SFSWAP: variants seen among roughly 807,000 people sequenced by gnomAD.
SFSWAP encodes splicing factor, suppressor of white-apricot homolog.
SFSWAP carries 17 observed loss-of-function variants against 100.7 expected under a neutral mutation model. That is an observed-to-expected ratio of 0.17 (90% CI 0.12 to 0.25). The LOEUF is 0.25. SFSWAP is among the 10% of genes least tolerant of loss of function. The pLI, the probability that SFSWAP is intolerant of heterozygous loss-of-function variation, is 1.00. For missense variants in SFSWAP, 1,005 were observed against 1,262.6 expected, an observed-to-expected ratio of 0.80 and a Z score of 3.09; for synonymous variants, 504 against 510.1, an observed-to-expected ratio of 0.99 and a Z score of 0.16.
rs763476133 is a variant in SFSWAP, at chr12:131,711,742, C to T, written c.218+295C>T. On this transcript the variant is annotated intron_variant, in intron 1 of 17. Transcript: ENST00000261674. The surrounding 1 kb of genome is among the most constrained non-coding windows in gnomAD (Gnocchi z 4.9). ...GTCGCTGGGCTGCAGTTGGCGATTCCGCGCGGTGAAAGCAGCCAGTGCCCA... is the reference window on the plus strand; with the variant it reads ...GTCGCTGGGCTGCAGTTGGCGATTCTGCGCGGTGAAAGCAGCCAGTGCCCA... 4.8e-4 allele frequency: 187 copies of T among 386,402 alleles called. 1 individual carries two copies. Among genetic ancestry groups the T allele is most frequent in the Non-Finnish European group, 7.9e-4 (166 of 208,882 alleles). 23.9% of individuals were successfully genotyped at this position (386,402 alleles called of 1,614,324 possible). A position where few individuals can be genotyped will look rare whatever the true frequency, so the allele number is the denominator to read the frequency against.
At chr12:131,739,609 A>G (rs1880409569) in intron 7 of SFSWAP, among the ~76,000 whole-genome samples, 1 of 127,080 alleles carries the variant, frequency 7.9e-6, no homozygotes, top group Non-Finnish European at 1.5e-5. Context: ...GCAGTGGCGC[A>G]ATCTCGGCTC....
rs545319488 is a variant in SFSWAP at position 131,785,625 on chromosome 12, T to C, written c.2409-838T>C. On this transcript the variant is annotated intron_variant, in intron 14 of 17. Transcript: ENST00000261674. Reference sequence around the variant, plus strand: ...AAACTCATCGCTAAGGGGCCTCCACTAAAGAGCATCACCCCTGGAGGGGCG... The same window carrying C: ...AAACTCATCGCTAAGGGGCCTCCACCAAAGAGCATCACCCCTGGAGGGGCG... The C allele has an allele frequency of 9.7e-5, 16 of 164,330 alleles. No homozygotes were observed. In the South Asian group the frequency reaches 2.3e-3, roughly 23 times the overall value. The allele number at this position is 164,330 out of a possible 1,614,324, so 10.2% of individuals were successfully genotyped here.
chr12:131,782,664 GA>G (rs1191449854), intron 14 of SFSWAP, among the ~76,000 whole-genome samples: 1 of 152,188 alleles, frequency 6.6e-6, no homozygotes, highest in Non-Finnish European at 1.5e-5. Flanking sequence ...ATAAAATACA[GA>G]AAGTTAAGAT....
chr12:131,730,718 C>T lies in SFSWAP; in HGVS notation c.1081+2290C>T, dbSNP rs911438465. On this transcript the variant is annotated intron_variant, in intron 7 of 17. Coordinates refer to ENST00000261674, the MANE Select transcript of SFSWAP (RefSeq NM_004592.4). This position sits in a 1 kb window ranked among gnomAD's most constrained non-coding sequence, Gnocchi z 4.0. The stretch of plus-strand genomic sequence containing the variant: ...TAAGCCGTGACAGCCTCTGCAGGAA[C>T]CCTAAGCTTACTCTGTTCAGGCCCC... Among the ~76,000 whole-genome samples, 6 of 152,138 alleles carry T rather than the reference C, an allele frequency of 3.9e-5. No individual in the cohort carries two copies. The highest frequency in any genetic ancestry group is 1.4e-4 in the African/African-American group (6 of 41,412).
At chr12:131,741,595 A>G (rs972254691) in intron 7 of SFSWAP, among the ~76,000 whole-genome samples, 10 of 149,022 alleles carry the variant, frequency 6.7e-5, no homozygotes, top group African/African-American at 1.7e-4. Context: ...GCAGGGAGCA[A>G]TGGTTGTGCC....
chr12:131,762,253 A>C (rs956051093), intron 11 of SFSWAP, among the ~76,000 whole-genome samples: 3 of 151,796 alleles, frequency 2.0e-5, no homozygotes, highest in African/African-American at 7.3e-5. Flanking sequence ...ACAAAAAAAA[A>C]GTCTACTTGA....
chr12:131,754,875 C>T (rs1882014588), intron 9 of SFSWAP, among the ~76,000 whole-genome samples: 1 of 152,040 alleles, frequency 6.6e-6, no homozygotes, highest in African/African-American at 2.4e-5. Flanking sequence ...TCAAGTGATC[C>T]ACTTGCCTCA....
intron 7 of SFSWAP, among the ~76,000 whole-genome samples, chr12:131,732,209 G>T (rs1461965945): frequency 3.3e-5 from 5 of 152,050 alleles, no homozygotes; most frequent in Non-Finnish European, 5.9e-5. Context: ...GCACCCAGCC[G>T]TGTTGCTATT....
intron 7 of SFSWAP, among the ~76,000 whole-genome samples, chr12:131,731,879 T>C (rs1485915721): frequency 2.6e-5 from 4 of 151,576 alleles, no homozygotes; most frequent in Admixed American, 1.3e-4. Context: ...CATGATGTTT[T>C]TGAGTATGCA....
chr12:131,762,129 A>T (rs1409521880), intron 11 of SFSWAP, among the ~76,000 whole-genome samples: 1 of 152,160 alleles, frequency 6.6e-6, no homozygotes, highest in Non-Finnish European at 1.5e-5. Flanking sequence ...GCTACTCAAG[A>T]GGCTGAGGCA....
chr12:131,730,095 T>C lies in SFSWAP; in HGVS notation c.1081+1667T>C, dbSNP rs1313383886. 2.0e-5 allele frequency among the ~76,000 whole-genome samples: 3 copies of C among 152,218 alleles called. No individual in the cohort carries two copies. The highest frequency in any genetic ancestry group is 4.8e-5 in the African/African-American group (2 of 41,452). On this transcript the variant is annotated intron_variant, in intron 7 of 17. Coordinates refer to ENST00000261674, the MANE Select transcript of SFSWAP (RefSeq NM_004592.4). This position sits in a 1 kb window ranked among gnomAD's most constrained non-coding sequence, Gnocchi z 4.0. Reference sequence around the variant, plus strand: ...TGCTACAGAGGTGCGTGTTCAATAGTGTAGGCAGCCAGCTGTCTGAGGTGC... The same window carrying C: ...TGCTACAGAGGTGCGTGTTCAATAGCGTAGGCAGCCAGCTGTCTGAGGTGC...
At chr12:131,793,389 ACT>A (rs1885414354) in intron 15 of SFSWAP, among the ~76,000 whole-genome samples, 2 of 152,108 alleles carry the variant, frequency 1.3e-5, no homozygotes, top group African/African-American at 2.4e-5. Context: ...CAGCCAGGAA[ACT>A]CTTTCCAACA....
chr12:131,711,286 G>C lies in SFSWAP; in HGVS notation c.57G>C (p.Glu19Asp). ...AKPERKSGAKEEAGPGGAGGG... is the reference protein window; with the variant it reads ...AKPERKSGAKDEAGPGGAGGG... ...CCGAGAGGAAAAGCGGCGCGAAGGA[G>C]GAGGCCGGGCCAGGCGGTGCCGGCG... The change falls in exon 1 of 18, where the codon GAG becomes GAC. Residue 19 changes from glutamate to aspartate, a missense_variant. Physicochemically the swap from Glu to Asp is conservative, Grantham distance 45 (BLOSUM62 2). Coordinates refer to ENST00000261674, the MANE Select transcript of SFSWAP (RefSeq NM_004592.4). The surrounding 1 kb of genome is among the most constrained non-coding windows in gnomAD (Gnocchi z 4.9). 1 of 1,612,902 alleles carries C rather than the reference G, an allele frequency of 6.2e-7. No homozygotes were observed. Among genetic ancestry groups the C allele is most frequent in the Non-Finnish European group, 8.5e-7 (1 of 1,179,686 alleles).
At chr12:131,765,573 G>A (rs544049416) in intron 12 of SFSWAP, among the ~76,000 whole-genome samples, 24 of 152,124 alleles carry the variant, frequency 1.6e-4, no homozygotes, top group South Asian at 4.1e-4. Context: ...GCTTGAACCC[G>A]GGAGGCAGAG....
intron 3 of SFSWAP, among the ~76,000 whole-genome samples, chr12:131,716,662 T>C (rs1320467732): frequency 6.6e-6 from 1 of 152,212 alleles, no homozygotes; most frequent in Non-Finnish European, 1.5e-5. Flanking sequence ...AACACAGCAA[T>C]GCTCATTTGT....
At chr12:131,779,698 G>A (rs1013415671) in intron 14 of SFSWAP, among the ~76,000 whole-genome samples, 3 of 152,086 alleles carry the variant, frequency 2.0e-5, no homozygotes, top group Admixed American at 6.5e-5. Context: ...GGAGCTTTAC[G>A]GGCTTTTTAA....
chr12:131,714,985 A>G lies in SFSWAP; in HGVS notation c.520+32A>G. Reference sequence around the variant, plus strand: ...GGGGAGCTGCCTGGACTGCTGGTGTAGGGCTACACGTGTACGCACAGGCTG... The same window carrying G: ...GGGGAGCTGCCTGGACTGCTGGTGTGGGGCTACACGTGTACGCACAGGCTG... On this transcript the variant is annotated intron_variant, in intron 3 of 17. Coordinates refer to ENST00000261674, the MANE Select transcript of SFSWAP (RefSeq NM_004592.4). The surrounding 1 kb of genome is among the most constrained non-coding windows in gnomAD (Gnocchi z 6.0). The G allele has an allele frequency of 6.2e-7, 1 of 1,612,698 alleles. No homozygotes were observed. Among genetic ancestry groups the G allele is most frequent in the South Asian group, 1.1e-5 (1 of 91,030 alleles).
At chr12:131,761,172 A>AT (rs1434869002) in intron 11 of SFSWAP, among the ~76,000 whole-genome samples, 3 of 152,112 alleles carry the variant, frequency 2.0e-5, no homozygotes, top group Non-Finnish European at 2.9e-5. Flanking sequence ...TGTTCAGATG[A>AT]TTTTTTTTCC....
At position 131,727,094 on chromosome 12, in the gene SFSWAP, A is replaced by C. The variant is rs370395759; in HGVS notation, c.945+42A>C. 3 of 1,191,806 alleles carry C rather than the reference A, an allele frequency of 2.5e-6. No homozygotes were observed. The Admixed American group carries it at 5.6e-5, about 22-fold the overall frequency. 73.8% of individuals were successfully genotyped at this position (1,191,806 alleles called of 1,614,324 possible). A position where few individuals can be genotyped will look rare whatever the true frequency, so the allele number is the denominator to read the frequency against. ...TGAACTATATTTTTATGCCACCACAAAACTTCTGCTAATGTAATTTTGGAA... is the reference window on the plus strand; with the variant it reads ...TGAACTATATTTTTATGCCACCACACAACTTCTGCTAATGTAATTTTGGAA... On this transcript the variant is annotated intron_variant, in intron 6 of 17. Coordinates refer to ENST00000261674, the MANE Select transcript of SFSWAP (RefSeq NM_004592.4).
Sources: gnomAD v4.1 joint callset for allele counts (sites outside exome capture counted in the v4.1 genomes callset) on GRCh38, gnomAD v4.1.1 for gene constraint, Gnocchi (gnomAD v3.1) non-coding constraint, MANE v1.5 for transcripts, NCBI Gene and HGNC (gene_info 2026-07-23, HGNC 2026-07-21) for gene names.